Variants in DRC11 observed in about 807,000 individuals in gnomAD.
The protein encoded by DRC11 is IQ and AAA domain-containing protein 1.
chr2:236,381,508 C>A, the DRC11 span, among the ~76,000 whole-genome samples: 2 of 152,132 alleles, frequency 1.3e-5, no homozygotes, highest in African/African-American at 4.8e-5. This position sits in a 1 kb window ranked among gnomAD's most constrained non-coding sequence, Gnocchi z 5.8. Context: ...CTATTAATTT[C>A]TGTTGTTTAT....
chr2:236,443,711 AT>A, the DRC11 span, among the ~76,000 whole-genome samples: 6 of 152,154 alleles, frequency 3.9e-5, no homozygotes, highest in Admixed American at 3.9e-4. This position sits in a 1 kb window ranked among gnomAD's most constrained non-coding sequence, Gnocchi z 4.4. Flanking sequence ...TAATAGAATT[AT>A]TTTTACTCCT....
chr2:236,379,233 G>A, the DRC11 span, among the ~76,000 whole-genome samples: 2 of 152,156 alleles, frequency 1.3e-5, no homozygotes, highest in Admixed American at 6.5e-5. Context: ...ACAGGGTAGC[G>A]ACAGGACTAA....
chr2:236,349,022 C>T, the DRC11 span, among the ~76,000 whole-genome samples: 11 of 152,108 alleles, frequency 7.2e-5, no homozygotes, highest in Non-Finnish European at 2.9e-5. The surrounding 1 kb of genome is among the most constrained non-coding windows in gnomAD (Gnocchi z 5.5). Flanking sequence ...GCCTCCTGCC[C>T]GTTCCCTGCG....
At chr2:236,447,071 C>T in the DRC11 span, among the ~76,000 whole-genome samples, 3 of 151,538 alleles carry the variant, frequency 2.0e-5, 1 homozygote, top group African/African-American at 7.3e-5. The surrounding 1 kb of genome is among the most constrained non-coding windows in gnomAD (Gnocchi z 4.6). Flanking sequence ...CTCCCAGCCT[C>T]CTCCAGTGAC....
chr2:236,491,891 A>G, the DRC11 span, among the ~76,000 whole-genome samples: 1 of 152,166 alleles, frequency 6.6e-6, no homozygotes, highest in African/African-American at 2.4e-5. Flanking sequence ...TGTGCTAGAA[A>G]CTTAGTCCCC....
At chr2:236,454,325 C>T in the DRC11 span, among the ~76,000 whole-genome samples, 13 of 152,166 alleles carry the variant, frequency 8.5e-5, no homozygotes, top group African/African-American at 2.2e-4. The surrounding 1 kb of genome is among the most constrained non-coding windows in gnomAD (Gnocchi z 5.3). Flanking sequence ...TAATTTCACG[C>T]GAGCTGTGCA....
chr2:236,356,941 A>G, the DRC11 span, among the ~76,000 whole-genome samples: 3 of 140,876 alleles, frequency 2.1e-5, no homozygotes, highest in African/African-American at 5.4e-5. Flanking sequence ...TTTATATATT[A>G]TATATTCATA....
At chr2:236,389,353 A>G in the DRC11 span, among the ~76,000 whole-genome samples, 5 of 152,134 alleles carry the variant, frequency 3.3e-5, no homozygotes, top group Non-Finnish European at 4.4e-5. Flanking sequence ...GGTGCCGGAT[A>G]TAATCTCGTG....
the DRC11 span, among the ~76,000 whole-genome samples, chr2:236,341,107 C>T: frequency 2.6e-5 from 4 of 152,366 alleles, no homozygotes; most frequent in South Asian, 2.1e-4. Context: ...CTAGCATCCA[C>T]GCAGCAATTT....
the DRC11 span, among the ~76,000 whole-genome samples, chr2:236,406,749 AT>A: frequency 2.8e-3 from 396 of 143,276 alleles, 1 homozygote; most frequent in East Asian, 2.4e-3. This position sits in a 1 kb window ranked among gnomAD's most constrained non-coding sequence, Gnocchi z 4.7. Flanking sequence ...GATCTCCACT[AT>A]TTTTTTTTTT....
chr2:236,400,756 G>C, the DRC11 span, among the ~76,000 whole-genome samples: 2 of 152,312 alleles, frequency 1.3e-5, no homozygotes, highest in Admixed American at 6.5e-5. The surrounding 1 kb of genome is among the most constrained non-coding windows in gnomAD (Gnocchi z 7.9). Flanking sequence ...GGGCTCCAGG[G>C]TTGGGCTCCG....
the DRC11 span, among the ~76,000 whole-genome samples, chr2:236,475,239 C>T: frequency 6.6e-6 from 1 of 152,106 alleles, no homozygotes; most frequent in Non-Finnish European, 1.5e-5. The surrounding 1 kb of genome is among the most constrained non-coding windows in gnomAD (Gnocchi z 4.8). Context: ...TTTTGTTTTT[C>T]TGTGCTGGCT....
At chr2:236,334,506 C>G in the DRC11 span, among the ~76,000 whole-genome samples, 3 of 152,126 alleles carry the variant, frequency 2.0e-5, no homozygotes, top group Non-Finnish European at 2.9e-5. This position sits in a 1 kb window ranked among gnomAD's most constrained non-coding sequence, Gnocchi z 7.8. Flanking sequence ...AGGGGCTCTC[C>G]AGGCCAAGTG....
chr2:236,459,520 T>TGTATATATGTATACGTATACGTATAC, the DRC11 span, among the ~76,000 whole-genome samples: 1 of 114,008 alleles, frequency 8.8e-6, no homozygotes, highest in African/African-American at 3.4e-5. Context: ...TACGTATACA[T>TGTATATATGTATACGTATACGTATAC]GTATACATGT....
At chr2:236,310,618 T>G in the DRC11 span, among the ~76,000 whole-genome samples, 1 of 152,180 alleles carries the variant, frequency 6.6e-6, no homozygotes, top group African/African-American at 2.4e-5. This position sits in a 1 kb window ranked among gnomAD's most constrained non-coding sequence, Gnocchi z 5.5. Flanking sequence ...TCCCTGGGCT[T>G]TCAGAGGGCC....
At chr2:236,425,486 T>C in the DRC11 span, among the ~76,000 whole-genome samples, 29 of 152,128 alleles carry the variant, frequency 1.9e-4, no homozygotes, top group South Asian at 4.1e-4. Flanking sequence ...AATTTTAAAT[T>C]AGGTTGTTTT....
chr2:236,358,321 T>C, the DRC11 span, among the ~76,000 whole-genome samples: 2 of 133,460 alleles, frequency 1.5e-5, no homozygotes, highest in South Asian at 4.3e-4. Context: ...ATATATACTA[T>C]ATGAATATAT....
the DRC11 span, among the ~76,000 whole-genome samples, chr2:236,472,857 G>A: frequency 1.2e-4 from 18 of 152,136 alleles, no homozygotes; most frequent in African/African-American, 4.1e-4. This position sits in a 1 kb window ranked among gnomAD's most constrained non-coding sequence, Gnocchi z 4.6. Flanking sequence ...TGCCTGGGAA[G>A]CGCACACTCC....
At chr2:236,357,334 ATG>A in the DRC11 span, among the ~76,000 whole-genome samples, 2 of 107,722 alleles carry the variant, frequency 1.9e-5, no homozygotes, top group Non-Finnish European at 3.4e-5. Context: ...ATATTCATAT[ATG>A]AATATATATA....
Sources: gnomAD v4.1 joint callset for allele counts (sites outside exome capture counted in the v4.1 genomes callset) on GRCh38, gnomAD v4.1.1 for gene constraint, Gnocchi (gnomAD v3.1) non-coding constraint, MANE v1.5 for transcripts, NCBI Gene and HGNC (gene_info 2026-07-23, HGNC 2026-07-21) for gene names.